KDM4C: variants seen among roughly 807,000 people sequenced by gnomAD.
KDM4C encodes the protein lysine demethylase 4C, also known as lysine-specific demethylase 4C.
A neutral mutation model predicts 129.3 loss-of-function variants in KDM4C; 81 were observed. That is an observed-to-expected ratio of 0.63 (90% CI 0.52 to 0.75). The LOEUF (loss-of-function observed/expected upper bound fraction) is 0.75, where lower values mean the gene tolerates loss of function less well. Among genes scored for constraint, KDM4C ranks in the 30% least tolerant of loss-of-function variants. KDM4C has a pLI of 0.00. For synonymous variants in KDM4C, 573 were observed against 456.1 expected, an observed-to-expected ratio of 1.26 and a Z score of -3.26; for missense variants, 1,457 against 1,304.0, an observed-to-expected ratio of 1.12 and a Z score of -1.81.
In KDM4C at chr9:7,116,229, G is replaced by C. The variant is rs1323406; in HGVS notation, c.2611-11837G>C. On this transcript the variant is annotated intron_variant, in intron 18 of 21. Coordinates refer to ENST00000381309, the MANE Select transcript of KDM4C (RefSeq NM_015061.6). ...TTATTTTCCATTTTGTTTGTCCCTCGAGTGGGCCTTTTAGTTAAGTTTGTT... is the reference window on the plus strand; with the variant it reads ...TTATTTTCCATTTTGTTTGTCCCTCCAGTGGGCCTTTTAGTTAAGTTTGTT... Among the ~76,000 whole-genome samples, 570 of 151,982 alleles carry C rather than the reference G, an allele frequency of 3.8e-3. 3 individuals carry two copies. Among genetic ancestry groups the C allele is most frequent in the African/African-American group, 0.013 (547 of 41,468 alleles).
intron 4 of KDM4C, among the ~76,000 whole-genome samples, chr9:6,845,633 A>C (rs964131502): frequency 6.6e-6 from 1 of 152,190 alleles, no homozygotes; most frequent in African/African-American, 2.4e-5. Flanking sequence ...TCGTGGTCCA[A>C]TTGTGAGTTG....
intron 8 of KDM4C, among the ~76,000 whole-genome samples, chr9:6,916,623 T>C (rs1274717319): frequency 1.3e-5 from 2 of 152,218 alleles, no homozygotes; most frequent in African/African-American, 4.8e-5. Context: ...ATCCAGCAAA[T>C]ATATATTAAG....
intron 8 of KDM4C, among the ~76,000 whole-genome samples, chr9:6,950,568 G>A (rs1827954570): frequency 6.6e-6 from 1 of 152,112 alleles, no homozygotes; most frequent in African/African-American, 2.4e-5. Context: ...TTGTCCCTTA[G>A]CAATTAGATG....
intron 4 of KDM4C, among the ~76,000 whole-genome samples, chr9:6,825,146 C>CAAA (rs776343731): frequency 2.1e-4 from 17 of 79,882 alleles, no homozygotes; most frequent in South Asian, 4.0e-4. Context: ...AACTCGGTCT[C>CAAA]AAAAAAAAAA....
chr9:7,062,244 A>G (rs1263834610), intron 17 of KDM4C, among the ~76,000 whole-genome samples: 2 of 152,210 alleles, frequency 1.3e-5, no homozygotes, highest in Non-Finnish European at 2.9e-5. Context: ...CTGGGATTAC[A>G]GGTGTGAACC....
rs1292780599 is a variant in KDM4C at position 6,957,350 on chromosome 9, T to A, written c.922-23575T>A. ...TCTATTTTCTTTACAAGATGACTAG[T>A]TGCAAGAAGGAAAGCTGTGTCCTGC... On this transcript the variant is annotated intron_variant, in intron 8 of 21. Coordinates refer to ENST00000381309, the MANE Select transcript of KDM4C (RefSeq NM_015061.6). 3.3e-5 allele frequency among the ~76,000 whole-genome samples: 5 copies of A among 152,214 alleles called. No homozygotes were observed. In the East Asian group the frequency reaches 9.6e-4, roughly 29 times the overall value.
At chr9:6,915,586 C>G (rs1820158528) in intron 8 of KDM4C, among the ~76,000 whole-genome samples, 1 of 152,084 alleles carries the variant, frequency 6.6e-6, no homozygotes, top group Non-Finnish European at 1.5e-5. Flanking sequence ...ATTTTTAACC[C>G]TTAAGAGAGA....
intron 17 of KDM4C, 26 bp downstream of exon 17, chr9:7,049,226 C>A: frequency 1.6e-6 from 2 of 1,242,872 alleles, no homozygotes; most frequent in South Asian, 1.3e-5. Flanking sequence ...TCTTTTTTAC[C>A]TCATAAATTA....
intron 12 of KDM4C, among the ~76,000 whole-genome samples, chr9:7,006,807 G>T (rs1821758064): frequency 2.0e-5 from 3 of 152,148 alleles, no homozygotes. Flanking sequence ...AAGAGGTGAT[G>T]ATTGGTTTCC....
chr9:6,784,297 G>A (rs984786246), intron 1 of KDM4C, among the ~76,000 whole-genome samples: 17 of 152,104 alleles, frequency 1.1e-4, no homozygotes, highest in Non-Finnish European at 1.5e-5. Flanking sequence ...ATTGTTCCTG[G>A]TCCTGAGGAG....
intron 12 of KDM4C, among the ~76,000 whole-genome samples, chr9:7,005,673 T>G (rs564688898): frequency 1.3e-5 from 2 of 152,152 alleles, no homozygotes; most frequent in African/African-American, 4.8e-5. Context: ...AGAGATTATG[T>G]TGGAGGCCTA....
Position 6,816,593 on chromosome 9 carries a change from A to G in KDM4C, c.435+1848A>G, listed in dbSNP as rs146075908. On this transcript the variant is annotated intron_variant, in intron 4 of 21. Coordinates refer to ENST00000381309, the MANE Select transcript of KDM4C (RefSeq NM_015061.6). ...ACCTTCTTATATACCTTATATATAC[A>G]TGGTTAGCTTTAGAAGAAAACATTT... Among the ~76,000 whole-genome samples the G allele has an allele frequency of 2.1e-3, 322 of 152,306 alleles. 1 individual carries two copies. Among genetic ancestry groups the G allele is most frequent in the African/African-American group, 7.6e-3 (314 of 41,558 alleles).
intron 8 of KDM4C, among the ~76,000 whole-genome samples, chr9:6,958,687 A>ATTTTTTTTTTTTTTTTTTT (rs377187050): frequency 3.7e-5 from 5 of 136,364 alleles, no homozygotes; most frequent in African/African-American, 5.8e-5. Flanking sequence ...TCTTTATATG[A>ATTTTTTTTTTTTTTTTTTT]TTTTTTTTTT....
intron 8 of KDM4C, chr9:6,925,422 T>G: frequency 2.1e-6 from 2 of 956,682 alleles, no homozygotes; most frequent in Non-Finnish European, 2.5e-6. Context: ...CCCTTTCCCC[T>G]TCCTCCTTTC....
chr9:7,016,488 G>T (rs1019478042), intron 15 of KDM4C, among the ~76,000 whole-genome samples: 1 of 148,496 alleles, frequency 6.7e-6, no homozygotes, highest in East Asian at 2.0e-4. Flanking sequence ...ATGCAGTGGC[G>T]TGAGCTCAGC....
intron 11 of KDM4C, among the ~76,000 whole-genome samples, chr9:6,988,867 C>G (rs781681664): frequency 1.3e-5 from 2 of 152,090 alleles, no homozygotes; most frequent in Non-Finnish European, 2.9e-5. Flanking sequence ...TCTGATTACC[C>G]TATAAAACTG....
intron 19 of KDM4C, among the ~76,000 whole-genome samples, chr9:7,160,596 C>T (rs904687911): frequency 6.6e-6 from 1 of 152,196 alleles, no homozygotes; most frequent in Admixed American, 6.5e-5. Context: ...CATTCAGCTG[C>T]AGGTCTGTTG....
chr9:6,730,998 C>A (rs1015381743), intron 1 of KDM4C, among the ~76,000 whole-genome samples: 3 of 152,178 alleles, frequency 2.0e-5, no homozygotes, highest in African/African-American at 7.2e-5. Context: ...AGTACAGAGT[C>A]CTTCTCAGGC....
At chr9:6,965,596 TTCTG>T (rs1484725658) in intron 8 of KDM4C, among the ~76,000 whole-genome samples, 1 of 152,198 alleles carries the variant, frequency 6.6e-6, no homozygotes, top group Non-Finnish European at 1.5e-5. Context: ...TGATGTACTT[TTCTG>T]TCTGAGAGCT....
Sources: gnomAD v4.1 joint callset for allele counts (sites outside exome capture counted in the v4.1 genomes callset) on GRCh38, gnomAD v4.1.1 for gene constraint, MANE v1.5 for transcripts, NCBI Gene and HGNC (gene_info 2026-07-23, HGNC 2026-07-21) for gene names.